Variants in UBAP2 observed in about 807,000 individuals in gnomAD.
UBAP2 encodes ubiquitin-associated protein 2.
In UBAP2, 75 loss-of-function variants were observed where a neutral mutation model predicts 139.6. The ratio of observed to expected loss-of-function variants is 0.54; its 90% confidence interval spans 0.45 to 0.65. The LOEUF (loss-of-function observed/expected upper bound fraction) is 0.65. UBAP2 is among the 30% of genes least tolerant of loss of function. The pLI, the probability that UBAP2 is intolerant of heterozygous loss-of-function variation, is 0.00. For synonymous variants in UBAP2, 526 were observed against 526.2 expected (o/e 1.00, Z 0.01); for missense variants, 1,368 against 1,369.6 (o/e 1.00, Z 0.02).
chr9:33,949,121 C>T (rs1488898422), intron 12 of UBAP2, among the ~76,000 whole-genome samples: 1 of 151,260 alleles, frequency 6.6e-6, no homozygotes, highest in Non-Finnish European at 1.5e-5. Context: ...GAGCAGAGAT[C>T]ACGCCACTGC....
rs185787405 is a variant in UBAP2, at chr9:34,022,232, C to T, written c.-41-5043G>A. Among the ~76,000 whole-genome samples the T allele has an allele frequency of 4.2e-3, 641 of 151,872 alleles. 4 individuals carry two copies. The highest frequency in any genetic ancestry group is 6.7e-3 in the South Asian group (32 of 4,810). On this transcript the variant is annotated intron_variant, in intron 1 of 28. Coordinates refer to ENST00000379238, the MANE Select transcript of UBAP2 (RefSeq NM_001370062.2). ...TGCACTCCAACCTGGGCAACAAGAG[C>T]GAGACACCATCTAAAAAAATAAAAA...
rs1824067652 is a variant in UBAP2, at chr9:33,932,457, T to C, written c.2175+105A>G. 6 of 1,344,876 alleles carry C rather than the reference T, an allele frequency of 4.5e-6. No homozygotes were observed. In the South Asian group the frequency reaches 6.5e-5, roughly 15 times the overall value. 83.3% of individuals were successfully genotyped at this position (1,344,876 alleles called of 1,614,324 possible). A position where few individuals can be genotyped will look rare whatever the true frequency, so the allele number is the denominator to read the frequency against. ...TCAAGACATTTCAGCCAAGCAACTC[T>C]AGATTATCAGACACTAAAAATCAGA... On this transcript the variant is annotated intron_variant, in intron 19 of 28. Transcript: ENST00000379238.
At chr9:33,948,302 AC>A (rs1825811265) in intron 13 of UBAP2, 71 bp downstream of exon 13, 1 of 1,355,812 alleles carries the variant, frequency 7.4e-7, no homozygotes, top group Admixed American at 2.3e-5. Flanking sequence ...ATTAGTCTTC[AC>A]AAGTCAACAC....
Position 33,924,069 on chromosome 9 carries a change from A to G in UBAP2, c.2591-69T>C. ...AGAGAAAGGCCACACTGGCTTCTGC[A>G]AACAGGAACAGGTCTGGCTGCCAGC... On this transcript the variant is annotated intron_variant, in intron 23 of 28. Coordinates refer to ENST00000379238, the MANE Select transcript of UBAP2 (RefSeq NM_001370062.2). The G allele has an allele frequency of 3.1e-6, 5 of 1,599,124 alleles. No individual in the cohort carries two copies. In the Admixed American group the frequency reaches 8.3e-5, roughly 27 times the overall value.
chr9:34,039,191 G>T (rs1359739731), intron 1 of UBAP2, among the ~76,000 whole-genome samples: 6 of 151,290 alleles, frequency 4.0e-5, no homozygotes, highest in Non-Finnish European at 7.4e-5. Context: ...GGAGGGAGGT[G>T]GGGGGCAGCC....
intron 7 of UBAP2, 71 bp from the exon 8 acceptor site, chr9:33,971,825 TG>T: frequency 1.1e-6 from 1 of 896,000 alleles, no homozygotes; most frequent in Non-Finnish European, 1.9e-6. Flanking sequence ...TAACCATACA[TG>T]ATCTTCCACC....
intron 8 of UBAP2, 31 bp from the exon 9 acceptor site, chr9:33,963,822 A>T (rs771282923): frequency 6.6e-7 from 1 of 1,516,722 alleles, no homozygotes; most frequent in Non-Finnish European, 9.2e-7. Context: ...GAGGGTTTAA[A>T]CATATGAAAA....
At chr9:33,969,041 GTATA>G (rs1254816712) in intron 8 of UBAP2, among the ~76,000 whole-genome samples, 2 of 152,086 alleles carry the variant, frequency 1.3e-5, no homozygotes, top group Admixed American at 1.3e-4. Context: ...TCCATTCTAT[GTATA>G]TTCTATATTT....
At position 33,973,228 on chromosome 9, in the gene UBAP2, C is replaced by T. The variant is rs142268445; in HGVS notation, c.530G>A (p.Arg177His). ...GKRARGRGFG[R>H]GRGRGAGRFS... ...CCTTCCTGCCCCTCTCCCTCTGCCA[C>T]GTCCAAATCCTTTAAAAAAACACAC... The change falls in exon 7 of 29, where the codon CGT becomes CAT. Residue 177 changes from arginine to histidine, a missense_variant. By Grantham distance (29) the Arg-to-His change is conservative. Coordinates refer to ENST00000379238, the MANE Select transcript of UBAP2 (RefSeq NM_001370062.2). 1.9e-5 allele frequency: 31 copies of T among 1,613,762 alleles called. 1 individual carries two copies. The highest frequency in any genetic ancestry group is 1.8e-4 in the Admixed American group (11 of 59,972).
At chr9:33,983,155 G>T (rs1341295885) in intron 6 of UBAP2, among the ~76,000 whole-genome samples, 1 of 152,142 alleles carries the variant, frequency 6.6e-6, no homozygotes, top group Non-Finnish European at 1.5e-5. Flanking sequence ...TGGGATTACA[G>T]ATGTGAGCCA....
At chr9:33,923,561 G>A in intron 24 of UBAP2, 83 bp from the exon 25 acceptor site, 8 of 1,365,496 alleles carry the variant, frequency 5.9e-6, no homozygotes, top group South Asian at 3.5e-5. Flanking sequence ...GCCTAAGGCA[G>A]CAGGTGACAT....
chr9:33,951,219 T>C (rs1268928030), intron 12 of UBAP2, among the ~76,000 whole-genome samples: 1 of 152,116 alleles, frequency 6.6e-6, no homozygotes, highest in African/African-American at 2.4e-5. Flanking sequence ...GGCCTCGCTA[T>C]GTTGCCAGAC....
intron 1 of UBAP2, among the ~76,000 whole-genome samples, chr9:34,044,729 G>A (rs1268051397): frequency 1.3e-5 from 2 of 152,010 alleles, no homozygotes; most frequent in Non-Finnish European, 2.9e-5. Context: ...AGCCAAGTGT[G>A]TTGGCAGGCG....
intron 1 of UBAP2, among the ~76,000 whole-genome samples, chr9:34,027,102 C>A (rs1825463852): frequency 6.6e-6 from 1 of 152,162 alleles, no homozygotes; most frequent in Non-Finnish European, 1.5e-5. Context: ...GCATTTTCTA[C>A]TAAGAAAACA....
chr9:33,997,417 G>A (rs2131185709), intron 3 of UBAP2: 1 of 152,216 alleles, frequency 6.6e-6, no homozygotes, highest in Admixed American at 6.5e-5. Flanking sequence ...TTTGTCTATG[G>A]TCACAAAGGT....
intron 6 of UBAP2, among the ~76,000 whole-genome samples, chr9:33,976,951 G>T (rs764740445): frequency 6.6e-6 from 1 of 151,728 alleles, no homozygotes; most frequent in Non-Finnish European, 1.5e-5. Flanking sequence ...GGCAGCAGTC[G>T]CAGTGAGCCG....
chr9:34,040,154 C>G (rs12156614), intron 1 of UBAP2, among the ~76,000 whole-genome samples: 121 of 146,652 alleles, frequency 8.3e-4, no homozygotes, highest in African/African-American at 2.8e-3. Context: ...GGCTAGACTC[C>G]GTCTCAAAAA....
At chr9:33,984,493 T>C (rs1177600323) in intron 6 of UBAP2, among the ~76,000 whole-genome samples, 1 of 149,804 alleles carries the variant, frequency 6.7e-6, no homozygotes, top group Admixed American at 6.7e-5. Flanking sequence ...CAAGACCCCA[T>C]CTCTTAAAAA....
At chr9:34,022,831 C>T (rs1785503) in intron 1 of UBAP2, among the ~76,000 whole-genome samples, 103,467 of 151,974 alleles carry the variant, frequency 0.68, 35,852 homozygotes, top group East Asian at 0.82. Flanking sequence ...ATTCCTACCA[C>T]AAAACCTTTT....
Sources: allele counts gnomAD v4.1 joint callset (sites outside exome capture counted in the v4.1 genomes callset), GRCh38; gene constraint gnomAD v4.1.1; transcripts MANE v1.5; gene names NCBI Gene and HGNC (gene_info 2026-07-23, HGNC 2026-07-21).